CILK1: variants seen among roughly 807,000 people sequenced by gnomAD.
CILK1 encodes ciliogenesis associated kinase 1.
CILK1 carries 47 observed loss-of-function variants against 79.2 expected under a neutral mutation model. That is an observed-to-expected ratio of 0.59 (90% CI 0.47 to 0.76). The LOEUF is 0.76. Among genes scored for constraint, CILK1 ranks in the 30% least tolerant of loss-of-function variants. The probability of loss-of-function intolerance (pLI) is 0.00; values close to 1 mark genes in which losing one functional copy is unlikely to be tolerated. For synonymous variants in CILK1, 266 were observed against 275.9 expected, an observed-to-expected ratio of 0.96 and a Z score of 0.36; for missense variants, 660 against 769.5, an observed-to-expected ratio of 0.86 and a Z score of 1.68.
chr6:53,038,156 C>T (rs1766477266), intron 2 of CILK1, among the ~76,000 whole-genome samples, 163 bp from the exon 3 acceptor site: 1 of 152,190 alleles, frequency 6.6e-6, no homozygotes, highest in African/African-American at 2.4e-5. Flanking sequence ...TATTTTCAAA[C>T]AGCAGTGCAA....
intron 1 of CILK1, among the ~76,000 whole-genome samples, chr6:53,056,331 G>T: frequency 6.6e-6 from 1 of 152,316 alleles, no homozygotes; most frequent in Middle Eastern, 3.4e-3. Context: ...GGATAAGCAC[G>T]TTTTTTCTGT....
chr6:53,004,127 T>TC lies in CILK1; in HGVS notation c.*1021dup, dbSNP rs1764081629. The TC allele has an allele frequency of 6.6e-6, 1 of 152,660 alleles. No individual in the cohort carries two copies. The highest frequency in any genetic ancestry group is 2.1e-4 in the South Asian group (1 of 4,832). 9.5% of individuals were successfully genotyped at this position (152,660 alleles called of 1,614,324 possible). ...GAACCTCTGCCATAACTCTTTCTGCTCCCCAAATTGTCCTGAGAATTTGGC... is the reference window on the plus strand; with the variant it reads ...GAACCTCTGCCATAACTCTTTCTGCTCCCCCAAATTGTCCTGAGAATTTGGC... On this transcript the variant is annotated 3_prime_UTR_variant, in exon 14 of 14. Coordinates refer to ENST00000676107, the MANE Select transcript of CILK1 (RefSeq NM_014920.5).
intron 1 of CILK1, among the ~76,000 whole-genome samples, chr6:53,054,007 G>A (rs1047169146): frequency 1.2e-4 from 18 of 152,132 alleles, no homozygotes; most frequent in African/African-American, 4.1e-4. Context: ...AAAAAAAAAA[G>A]GATAAATGTT....
At chr6:53,061,259 C>T (rs1768427198) in intron 1 of CILK1, among the ~76,000 whole-genome samples, 1 of 152,164 alleles carries the variant, frequency 6.6e-6, no homozygotes, top group African/African-American at 2.4e-5. Context: ...AGGATTTTTG[C>T]TCAGACCCCT....
rs1235373660 is a variant in CILK1 at position 53,045,773 on chromosome 6, C to T, written c.-172-4365G>A. Reference sequence around the variant, plus strand: ...CAACAAATTAAGACTCCCAAACCATCGTTGTATGTCATCTTCCTAAAAAAA... The same window carrying T: ...CAACAAATTAAGACTCCCAAACCATTGTTGTATGTCATCTTCCTAAAAAAA... On this transcript the variant is annotated intron_variant, in intron 1 of 13. Coordinates refer to ENST00000676107, the MANE Select transcript of CILK1 (RefSeq NM_014920.5). 5.4e-5 allele frequency among the ~76,000 whole-genome samples: 6 copies of T among 111,008 alleles called. No individual in the cohort carries two copies. The South Asian group carries it at 2.1e-3, about 39-fold the overall frequency. The allele number at this position is 111,008 out of a possible 152,430, so 72.8% of individuals were successfully genotyped here.
At chr6:53,015,327 C>T (rs1456028353) in intron 8 of CILK1, among the ~76,000 whole-genome samples, 1 of 152,176 alleles carries the variant, frequency 6.6e-6, no homozygotes, top group Non-Finnish European at 1.5e-5. Context: ...CGTTACCATA[C>T]CTCTTTTGGG....
chr6:53,008,735 G>GT (rs1255985276), intron 12 of CILK1, among the ~76,000 whole-genome samples: 1 of 152,148 alleles, frequency 6.6e-6, no homozygotes, highest in East Asian at 1.9e-4. Context: ...CCTGGCCAAA[G>GT]TTTGACTTCT....
At chr6:53,027,886 G>T (rs927808842) in intron 5 of CILK1, among the ~76,000 whole-genome samples, 1 of 152,066 alleles carries the variant, frequency 6.6e-6, no homozygotes, top group East Asian at 1.9e-4. Context: ...AGTGGCTCAT[G>T]CCTGTAATCC....
chr6:53,001,638 C>G lies in CILK1; in HGVS notation c.*3511G>C, dbSNP rs1017977901. The G allele has an allele frequency of 6.6e-6, 1 of 152,602 alleles. No individual in the cohort carries two copies. The highest frequency in any genetic ancestry group is 1.5e-5 in the Non-Finnish European group (1 of 68,040). 9.5% of individuals were successfully genotyped at this position (152,602 alleles called of 1,614,324 possible). On this transcript the variant is annotated 3_prime_UTR_variant, in exon 14 of 14. Transcript: ENST00000676107. ...ATACAGATTAATGTGATATTTACCT[C>G]TAGTTTGTTTTCCTAATGGCTTCCA...
intron 1 of CILK1, among the ~76,000 whole-genome samples, chr6:53,060,305 C>G (rs1470707253): frequency 2.6e-5 from 4 of 152,186 alleles, no homozygotes; most frequent in African/African-American, 7.2e-5. Context: ...TTGGCAAGGA[C>G]AGCAGGGGTC....
At chr6:53,010,311 G>A (rs1028779114) in intron 11 of CILK1, among the ~76,000 whole-genome samples, 1 of 152,136 alleles carries the variant, frequency 6.6e-6, no homozygotes, top group Admixed American at 6.5e-5. Context: ...CAGAGGGTGA[G>A]GAATTTCATG....
chr6:53,016,053 G>C (rs187117033), intron 8 of CILK1, 30 bp downstream of exon 8: 1 of 1,606,492 alleles, frequency 6.2e-7, no homozygotes, highest in South Asian at 1.1e-5. Flanking sequence ...AGTTAGATAT[G>C]AACGTTATAA....
chr6:53,006,954 T>G (rs1207288486), intron 12 of CILK1, among the ~76,000 whole-genome samples: 1 of 152,230 alleles, frequency 6.6e-6, no homozygotes, highest in African/African-American at 2.4e-5. Flanking sequence ...TTAACCATTT[T>G]TTACAATGTG....
chr6:53,027,930 G>A (rs1458625118), intron 5 of CILK1, among the ~76,000 whole-genome samples: 2 of 152,050 alleles, frequency 1.3e-5, no homozygotes, highest in African/African-American at 2.4e-5. Flanking sequence ...GGTGGATCAC[G>A]AGGTCAGGAG....
intron 2 of CILK1, among the ~76,000 whole-genome samples, chr6:53,039,180 C>T (rs1022546639): frequency 6.6e-6 from 1 of 152,148 alleles, no homozygotes; most frequent in African/African-American, 2.4e-5. Context: ...ACTGGAGAGA[C>T]AATGATGAGA....
At chr6:53,041,467 T>C (rs931604138) in intron 1 of CILK1, 59 bp from the exon 2 acceptor site, 1 of 494,704 alleles carries the variant, frequency 2.0e-6, no homozygotes, top group African/African-American at 1.9e-5. Context: ...GTATACGTGT[T>C]TTTGTAAGTC....
chr6:53,041,285 G>C lies in CILK1; in HGVS notation c.-49C>G. 7.6e-7 allele frequency: 1 copy of C among 1,322,170 alleles called. No homozygotes were observed. The highest frequency in any genetic ancestry group is 1.1e-6 in the Non-Finnish European group (1 of 918,960). The allele number at this position is 1,322,170 out of a possible 1,614,324, so 81.9% of individuals were successfully genotyped here. A position where few individuals can be genotyped will look rare whatever the true frequency, so the allele number is the denominator to read the frequency against. ...CTCATCTCACGGCCGAAGTGGTTCA[G>C]TTCTGCAGTGGTAGCAGTCCTCCCC... On this transcript the variant is annotated 5_prime_UTR_variant, in exon 2 of 14. Coordinates refer to ENST00000676107, the MANE Select transcript of CILK1 (RefSeq NM_014920.5).
intron 1 of CILK1, chr6:53,052,079 T>G (rs1204819379): frequency 6.6e-6 from 1 of 152,102 alleles, no homozygotes; most frequent in Non-Finnish European, 1.5e-5. Flanking sequence ...CAGGCCCTGG[T>G]GTGTGTTGTT....
intron 12 of CILK1, 116 bp from the exon 13 acceptor site, chr6:53,006,553 A>G (rs1764233459): frequency 5.2e-6 from 6 of 1,160,292 alleles, no homozygotes; most frequent in Non-Finnish European, 7.5e-6. Flanking sequence ...TTTAGGGAAA[A>G]GAGCAAATCA....
Sources: gnomAD v4.1 joint callset for allele counts (sites outside exome capture counted in the v4.1 genomes callset) on GRCh38, gnomAD v4.1.1 for gene constraint, MANE v1.5 for transcripts, NCBI Gene and HGNC (gene_info 2026-07-23, HGNC 2026-07-21) for gene names.